Variants in GNB1L observed in about 807,000 individuals in gnomAD.
GNB1L encodes the protein guanine nucleotide-binding protein subunit beta-like protein 1.
GNB1L carries 20 observed loss-of-function variants against 29.1 expected under a neutral mutation model. The ratio of observed to expected loss-of-function variants is 0.69; its 90% confidence interval spans 0.48 to 1.00. The LOEUF (loss-of-function observed/expected upper bound fraction) is 1.00, where lower values mean the gene tolerates loss of function less well. Among genes scored for constraint, GNB1L ranks in the 50% least tolerant of loss-of-function variants. The pLI is 0.00. For missense variants in GNB1L, 421 were observed against 464.9 expected (o/e 0.91, Z 0.87); for synonymous variants, 193 against 206.5 (o/e 0.93, Z 0.56).
chr22:19,819,652 A>C (rs560677879), intron 4 of GNB1L, among the ~76,000 whole-genome samples: 50 of 152,310 alleles, frequency 3.3e-4, no homozygotes, highest in African/African-American at 7.2e-4. Context: ...CACAGGCTAG[A>C]ACAGTGGGGT....
intron 7 of GNB1L, among the ~76,000 whole-genome samples, chr22:19,791,656 C>T (rs186966476): frequency 2.2e-4 from 34 of 152,256 alleles, no homozygotes; most frequent in Non-Finnish European, 4.0e-4. Context: ...GGCTGGACTG[C>T]GCATGCTCAC....
In GNB1L at chr22:19,797,684, C is replaced by T. The variant is rs569238685; in HGVS notation, c.732+4317G>A. 3.9e-5 allele frequency among the ~76,000 whole-genome samples: 6 copies of T among 152,304 alleles called. No homozygotes were observed. In the South Asian group the frequency reaches 8.3e-4, roughly 21 times the overall value. ...CTAGGCTCCTGGCCAGTGAGGTAGG[C>T]GCCTTGCCATGCCCTCAGCCACCTC... On this transcript the variant is annotated intron_variant, in intron 7 of 7. Coordinates refer to ENST00000329517, the MANE Select transcript of GNB1L (RefSeq NM_053004.3).
intron 2 of GNB1L, chr22:19,847,823 A>AAAAAAAAAAAAAAAAAAAG: frequency 1.1e-6 from 1 of 929,082 alleles, no homozygotes; most frequent in Non-Finnish European, 1.3e-6. Context: ...AAAAAAAAAA[A>AAAAAAAAAAAAAAAAAAAG]AATTCACCCA....
At chr22:19,820,070 C>G (rs1266708475) in intron 4 of GNB1L, among the ~76,000 whole-genome samples, 2 of 152,120 alleles carry the variant, frequency 1.3e-5, no homozygotes, top group Non-Finnish European at 2.9e-5. Flanking sequence ...TGCCGGAACA[C>G]CCAGCTCCTA....
chr22:19,840,058 T>A (rs2145895922), intron 2 of GNB1L, among the ~76,000 whole-genome samples: 1 of 126,478 alleles, frequency 7.9e-6, no homozygotes, highest in East Asian at 2.2e-4. Flanking sequence ...AGCAAGATCT[T>A]GCCTCAAAAA....
intron 2 of GNB1L, among the ~76,000 whole-genome samples, chr22:19,826,473 G>C (rs750236134): frequency 6.6e-6 from 1 of 152,146 alleles, no homozygotes; most frequent in Non-Finnish European, 1.5e-5. Flanking sequence ...AACAGAACTA[G>C]ACCCACAGAG....
At chr22:19,844,956 A>G (rs1487940437) in intron 2 of GNB1L, among the ~76,000 whole-genome samples, 1 of 152,240 alleles carries the variant, frequency 6.6e-6, no homozygotes, top group East Asian at 1.9e-4. Context: ...CAGAGGGTGC[A>G]GGATGGGGAC....
At chr22:19,802,500 G>T (rs776236064) in intron 6 of GNB1L, among the ~76,000 whole-genome samples, 1 of 152,208 alleles carries the variant, frequency 6.6e-6, no homozygotes, top group Non-Finnish European at 1.5e-5. Context: ...TCCCACTGCT[G>T]TACCACTTCT....
At chr22:19,828,990 C>T (rs1039854365) in intron 2 of GNB1L, among the ~76,000 whole-genome samples, 9 of 152,180 alleles carry the variant, frequency 5.9e-5, no homozygotes, top group Non-Finnish European at 2.9e-5. Flanking sequence ...CGCCACAGTG[C>T]CCGGCTAATT....
intron 5 of GNB1L, among the ~76,000 whole-genome samples, chr22:19,809,566 G>A (rs935401193): frequency 1.3e-5 from 2 of 152,122 alleles, no homozygotes; most frequent in Non-Finnish European, 2.9e-5. Context: ...AACTAAAAGA[G>A]CACCCTGTAA....
intron 2 of GNB1L, among the ~76,000 whole-genome samples, chr22:19,838,484 T>TA (rs879760760): frequency 3.3e-5 from 5 of 151,714 alleles, no homozygotes; most frequent in African/African-American, 9.7e-5. Context: ...TTTTTATTTT[T>TA]TTTTTGAGAC....
intron 2 of GNB1L, chr22:19,850,715 G>A: frequency 3.2e-6 from 4 of 1,236,396 alleles, no homozygotes; most frequent in African/African-American, 1.5e-5. Flanking sequence ...TGGGGCTAGG[G>A]GGACAGACAC....
At chr22:19,812,157 G>A in intron 5 of GNB1L, 128 bp downstream of exon 5, 1 of 985,088 alleles carries the variant, frequency 1.0e-6, no homozygotes, top group Admixed American at 2.8e-5. Flanking sequence ...AGCCCCGGCT[G>A]CTGAAGCTGC....
At chr22:19,853,608 G>A (rs1216618541) in intron 2 of GNB1L, among the ~76,000 whole-genome samples, 1 of 152,082 alleles carries the variant, frequency 6.6e-6, no homozygotes, top group African/African-American at 2.4e-5. Context: ...CTCAGGGTGA[G>A]TTCCTCCAGG....
chr22:19,835,380 AAAAAAAAAC>A (rs887200596), intron 2 of GNB1L, among the ~76,000 whole-genome samples: 1 of 149,328 alleles, frequency 6.7e-6, no homozygotes, highest in African/African-American at 2.5e-5. Flanking sequence ...ATGTAAAAAA[AAAAAAAAAC>A]AAACAAACAA....
intron 6 of GNB1L, among the ~76,000 whole-genome samples, chr22:19,804,431 A>G (rs1363386856): frequency 6.6e-6 from 1 of 152,254 alleles, no homozygotes; most frequent in Non-Finnish European, 1.5e-5. Flanking sequence ...CCTGAGGGCT[A>G]TGCCAGTGAC....
Position 19,806,749 on chromosome 22 carries a change from A to T in GNB1L, c.426T>A (p.Ile142=). ...VPGRGSDEVQ[I]LEMPSKTSVC... ...CTGACGTCTTGGAGGGCATCTCCAG[A>T]ATCTGAACCTGACAGTAAGAAAACA... The change falls in exon 6 of 8, where the codon ATT becomes ATA. Residue 142 remains isoleucine, a synonymous_variant. Coordinates refer to ENST00000329517, the MANE Select transcript of GNB1L (RefSeq NM_053004.3). 6.2e-7 allele frequency: 1 copy of T among 1,611,250 alleles called. No individual in the cohort carries two copies. Among genetic ancestry groups the T allele is most frequent in the Non-Finnish European group, 8.5e-7 (1 of 1,177,604 alleles).
At chr22:19,812,709 G>T (rs1937511108) in intron 4 of GNB1L, among the ~76,000 whole-genome samples, 1 of 152,182 alleles carries the variant, frequency 6.6e-6, no homozygotes, top group African/African-American at 2.4e-5. Flanking sequence ...GCCCCGGGGT[G>T]GGGGACACCA....
At chr22:19,845,613 T>C (rs992653901) in intron 2 of GNB1L, among the ~76,000 whole-genome samples, 1 of 152,146 alleles carries the variant, frequency 6.6e-6, no homozygotes, top group Non-Finnish European at 1.5e-5. Flanking sequence ...AGCCGGCCAA[T>C]GAGAACACCC....
Sources: allele counts gnomAD v4.1 joint callset (sites outside exome capture counted in the v4.1 genomes callset), GRCh38; gene constraint gnomAD v4.1.1; transcripts MANE v1.5; gene names NCBI Gene and HGNC (gene_info 2026-07-23, HGNC 2026-07-21).